The following GRK5 variants were observed in gnomAD, a reference collection of about 807,000 sequenced individuals.
GRK5 encodes G protein-coupled receptor kinase 5.
In GRK5, 40 loss-of-function variants were observed where a neutral mutation model predicts 78.4. The ratio of observed to expected loss-of-function variants is 0.51; its 90% CI spans 0.40 to 0.66. GRK5 has a LOEUF of 0.66. Among genes scored for constraint, GRK5 ranks in the 30% least tolerant of loss-of-function variants. The probability of loss-of-function intolerance (pLI) is 0.00; values close to 1 mark genes in which losing one functional copy is unlikely to be tolerated. For synonymous variants in GRK5, 289 were observed against 296.8 expected (o/e 0.97, Z 0.27); for missense variants, 598 against 759.9 (o/e 0.79, Z 2.50).
At chr10:119,442,835 A>AT (rs1853064944) in intron 11 of GRK5, among the ~76,000 whole-genome samples, 1 of 152,024 alleles carries the variant, frequency 6.6e-6, no homozygotes, top group Non-Finnish European at 1.5e-5. Context: ...GTCTGTGTGT[A>AT]TGTGAGTGTG....
At chr10:119,246,728 G>C (rs1185347099) in intron 1 of GRK5, among the ~76,000 whole-genome samples, 2 of 152,138 alleles carry the variant, frequency 1.3e-5, no homozygotes, top group Non-Finnish European at 2.9e-5. Flanking sequence ...CACGAATTTG[G>C]GATTAGCATG....
chr10:119,315,137 G>A (rs946159426), intron 1 of GRK5, among the ~76,000 whole-genome samples: 1 of 152,230 alleles, frequency 6.6e-6, no homozygotes. Flanking sequence ...TGAGGCCAGA[G>A]GGGTGGTGCT....
intron 1 of GRK5, among the ~76,000 whole-genome samples, chr10:119,302,399 G>T (rs1850198597): frequency 6.6e-6 from 1 of 152,256 alleles, no homozygotes; most frequent in South Asian, 2.1e-4. Flanking sequence ...TCGTATCTGG[G>T]TGTGGTGCCC....
chr10:119,263,798 C>T (rs760190667), intron 1 of GRK5, among the ~76,000 whole-genome samples: 46 of 151,962 alleles, frequency 3.0e-4, no homozygotes, highest in Non-Finnish European at 5.3e-4. Context: ...TGGTGGCGGG[C>T]GCCTGTATAG....
At chr10:119,380,687 C>A in intron 2 of GRK5, 128 bp from the exon 3 acceptor site, 1 of 603,716 alleles carries the variant, frequency 1.7e-6, no homozygotes, top group Non-Finnish European at 3.0e-6. Flanking sequence ...ATGAAGAAGG[C>A]GTTCTGAGAG....
chr10:119,341,491 TAATC>T (rs1589754137), intron 2 of GRK5, among the ~76,000 whole-genome samples: 1 of 152,204 alleles, frequency 6.6e-6, no homozygotes, highest in East Asian at 1.9e-4. Context: ...CCCTGCTTGG[TAATC>T]AACTCAACCT....
chr10:119,308,340 C>T (rs886488095), intron 1 of GRK5, among the ~76,000 whole-genome samples: 7 of 151,596 alleles, frequency 4.6e-5, no homozygotes, highest in African/African-American at 4.9e-5. Context: ...GCAGCCCTGC[C>T]GAAATTGTGT....
chr10:119,311,883 T>G (rs549241030), intron 1 of GRK5, among the ~76,000 whole-genome samples: 1 of 151,394 alleles, frequency 6.6e-6, no homozygotes, highest in Non-Finnish European at 1.5e-5. Flanking sequence ...AGCTCAACAC[T>G]GTGAGTGTAC....
intron 1 of GRK5, among the ~76,000 whole-genome samples, chr10:119,235,727 G>A (rs903858746): frequency 4.6e-5 from 7 of 152,158 alleles, no homozygotes; most frequent in Admixed American, 2.6e-4. Flanking sequence ...GAGAAATAAG[G>A]TGGACTTGGG....
chr10:119,232,350 G>A (rs1235848762), intron 1 of GRK5, among the ~76,000 whole-genome samples: 1 of 152,222 alleles, frequency 6.6e-6, no homozygotes, highest in African/African-American at 2.4e-5. Context: ...AGGGGATAGA[G>A]AAAGGTTTGT....
At chr10:119,446,996 A>C (rs1853163421) in intron 12 of GRK5, among the ~76,000 whole-genome samples, 1 of 152,248 alleles carries the variant, frequency 6.6e-6, no homozygotes, top group African/African-American at 2.4e-5. Context: ...TTTAGCCTCA[A>C]AGCAGACACT....
At chr10:119,235,731 A>G (rs1210394870) in intron 1 of GRK5, among the ~76,000 whole-genome samples, 38 of 152,060 alleles carry the variant, frequency 2.5e-4, no homozygotes, top group Admixed American at 2.4e-3. Flanking sequence ...AATAAGGTGG[A>G]CTTGGGGACT....
intron 1 of GRK5, among the ~76,000 whole-genome samples, chr10:119,306,087 GA>G (rs1475609235): frequency 6.6e-6 from 1 of 152,154 alleles, no homozygotes; most frequent in Admixed American, 6.5e-5. Context: ...TGAGGGAGTT[GA>G]ACCACTGGGG....
At chr10:119,256,635 C>G (rs1327803457) in intron 1 of GRK5, among the ~76,000 whole-genome samples, 2 of 152,154 alleles carry the variant, frequency 1.3e-5, no homozygotes, top group South Asian at 2.1e-4. Flanking sequence ...GCACCCCACC[C>G]CTCACCCGTC....
chr10:119,234,823 C>G (rs751740971), intron 1 of GRK5, among the ~76,000 whole-genome samples: 11 of 151,146 alleles, frequency 7.3e-5, no homozygotes, highest in Non-Finnish European at 1.6e-4. Context: ...CTCCCGAATA[C>G]CTGGGATTAT....
At chr10:119,422,347 C>T (rs906942387) in intron 4 of GRK5, among the ~76,000 whole-genome samples, 3 of 152,210 alleles carry the variant, frequency 2.0e-5, no homozygotes, top group African/African-American at 4.8e-5. Context: ...AAAGAAACAA[C>T]GGTGGTGACA....
chr10:119,364,084 T>C (rs1851407081), intron 2 of GRK5, among the ~76,000 whole-genome samples: 1 of 152,206 alleles, frequency 6.6e-6, no homozygotes, highest in Non-Finnish European at 1.5e-5. Flanking sequence ...GTATTTCTGC[T>C]GATCCTCGGA....
intron 1 of GRK5, among the ~76,000 whole-genome samples, chr10:119,226,719 CT>C (rs1848747855): frequency 6.7e-6 from 1 of 148,984 alleles, no homozygotes; most frequent in African/African-American, 2.5e-5. Flanking sequence ...TTTTTTTTTT[CT>C]TTTTCTTTTT....
intron 4 of GRK5, among the ~76,000 whole-genome samples, chr10:119,414,903 G>A (rs939132702): frequency 6.6e-6 from 1 of 151,768 alleles, no homozygotes; most frequent in African/African-American, 2.4e-5. Context: ...CCAACATGGT[G>A]AAACACCGTC....
Sources: gnomAD v4.1 joint callset for allele counts (sites outside exome capture counted in the v4.1 genomes callset) on GRCh38, gnomAD v4.1.1 for gene constraint, MANE v1.5 for transcripts, NCBI Gene and HGNC (gene_info 2026-07-23, HGNC 2026-07-21) for gene names.